Variants in CKMT2 observed in about 807,000 individuals in gnomAD.
The protein encoded by CKMT2 is creatine kinase, mitochondrial 2.
Under a neutral mutation model 48.9 loss-of-function variants are expected in CKMT2, and 43 were observed. That is an observed-to-expected ratio of 0.88 (90% CI 0.69 to 1.13). The LOEUF (loss-of-function observed/expected upper bound fraction) is 1.13. Ranked by LOEUF, CKMT2 falls within the 50% of genes most tolerant of loss-of-function variation. CKMT2 has a pLI of 0.00. For missense variants in CKMT2, 472 were observed against 555.4 expected (o/e 0.85, Z 1.51); for synonymous variants, 206 against 213.0 (o/e 0.97, Z 0.29).
intron 1 of CKMT2, among the ~76,000 whole-genome samples, chr5:81,248,467 C>T (rs780004061): frequency 7.9e-5 from 12 of 152,132 alleles, no homozygotes; most frequent in Non-Finnish European, 1.0e-4. Flanking sequence ...TGTATGCTAG[C>T]GTTGCCTGCT....
intron 1 of CKMT2, among the ~76,000 whole-genome samples, chr5:81,243,704 T>TG (rs1163756743): frequency 6.6e-6 from 1 of 152,088 alleles, no homozygotes; most frequent in Non-Finnish European, 1.5e-5. Context: ...GGATTTTTTT[T>TG]TTTTTGAGTC....
At chr5:81,242,588 G>T in intron 1 of CKMT2, 1 of 357,974 alleles carries the variant, frequency 2.8e-6, no homozygotes, top group South Asian at 2.8e-5. Context: ...CACAAAGATG[G>T]GGTTGGTTCT....
At chr5:81,257,114 A>C in intron 6 of CKMT2, 114 bp downstream of exon 6, 1 of 728,318 alleles carries the variant, frequency 1.4e-6, no homozygotes, top group South Asian at 1.8e-5. Context: ...GCCCAGACTG[A>C]GCTAAATGGA....
chr5:81,248,718 GGAA>G (rs1326593423), intron 1 of CKMT2, among the ~76,000 whole-genome samples: 1 of 152,174 alleles, frequency 6.6e-6, no homozygotes, highest in Non-Finnish European at 1.5e-5. Context: ...ATATTAGCAC[GGAA>G]GAAGAACTAA....
intron 1 of CKMT2, among the ~76,000 whole-genome samples, chr5:81,235,161 TAGGA>T (rs1208241514): frequency 6.6e-6 from 1 of 152,226 alleles, no homozygotes; most frequent in African/African-American, 2.4e-5. Context: ...ACAGGAGGCC[TAGGA>T]AAGGCCTCTG....
chr5:81,239,540 C>T (rs571249559), intron 1 of CKMT2, among the ~76,000 whole-genome samples: 1 of 152,286 alleles, frequency 6.6e-6, no homozygotes, highest in Non-Finnish European at 1.5e-5. Context: ...CACTGATGCA[C>T]ATGGGTGTGC....
At chr5:81,245,798 G>A (rs577484727) in intron 1 of CKMT2, among the ~76,000 whole-genome samples, 8 of 152,214 alleles carry the variant, frequency 5.3e-5, no homozygotes, top group Middle Eastern at 3.4e-3. Flanking sequence ...GCTGTGGTGC[G>A]AGGGGCCCGG....
intron 5 of CKMT2, 138 bp from the exon 6 acceptor site, chr5:81,256,777 G>T: frequency 1.7e-6 from 1 of 573,848 alleles, no homozygotes; most frequent in Non-Finnish European, 3.1e-6. Context: ...GGTTATTCTA[G>T]TGGGCAGCCA....
At chr5:81,265,519 GA>G (rs892662630) in intron 9 of CKMT2, among the ~76,000 whole-genome samples, 1 of 151,002 alleles carries the variant, frequency 6.6e-6, no homozygotes, top group Non-Finnish European at 1.5e-5. Flanking sequence ...GATCCCAGGG[GA>G]AAAAAAAATT....
At chr5:81,265,338 G>GAGAT (rs1298915337) in intron 9 of CKMT2, among the ~76,000 whole-genome samples, 6 of 152,154 alleles carry the variant, frequency 3.9e-5, no homozygotes, top group East Asian at 3.8e-4. Context: ...TGCATATAAA[G>GAGAT]AGATAGATAG....
chr5:81,244,579 G>T (rs2112790750), intron 1 of CKMT2, among the ~76,000 whole-genome samples: 1 of 152,276 alleles, frequency 6.6e-6, no homozygotes, highest in Admixed American at 6.5e-5. Context: ...CAATTTTGAA[G>T]ACAAAACTGT....
chr5:81,255,152 C>T lies in CKMT2; in HGVS notation c.607C>T (p.Leu203=). The part of the protein sequence containing the change: ...ITALEGLKGD[L]AGRYYKLSEM... ...TGCCCTGGAGGGCCTCAAGGGGGAC[C>T]TGGCTGGCCGCTACTACAAGCTGTC... The change falls in exon 5 of 10, where the codon CTG becomes TTG. Residue 203 remains leucine (L), a synonymous_variant. Coordinates refer to ENST00000254035, the MANE Select transcript of CKMT2 (RefSeq NM_001099735.2). 1.2e-6 allele frequency: 2 copies of T among 1,614,130 alleles called. No homozygotes were observed. Among genetic ancestry groups the T allele is most frequent in the East Asian group, 2.2e-5 (1 of 44,868 alleles).
chr5:81,243,692 T>C (rs1580436132), intron 1 of CKMT2, among the ~76,000 whole-genome samples: 1 of 151,710 alleles, frequency 6.6e-6, no homozygotes, highest in African/African-American at 2.4e-5. Context: ...AAATTCCTAA[T>C]AGGATTTTTT....
At chr5:81,254,591 C>T (rs1009786036) in intron 4 of CKMT2, 100 bp downstream of exon 4, 10 of 998,126 alleles carry the variant, frequency 1.0e-5, no homozygotes, top group African/African-American at 3.2e-5. Flanking sequence ...AGTCAGATAC[C>T]CCTGGAAAGC....
intron 1 of CKMT2, chr5:81,238,261 G>A (rs1264957588): frequency 6.6e-6 from 1 of 152,194 alleles, no homozygotes; most frequent in Non-Finnish European, 1.5e-5. Context: ...GTGAACCCGG[G>A]AGGCGGAGCT....
chr5:81,250,299 A>G (rs1010957641), intron 1 of CKMT2, among the ~76,000 whole-genome samples: 3 of 152,202 alleles, frequency 2.0e-5, no homozygotes, highest in African/African-American at 7.2e-5. Flanking sequence ...TTGCTTGCTC[A>G]TAACTATGAT....
At chr5:81,253,787 A>T (rs1015598041) in intron 3 of CKMT2, among the ~76,000 whole-genome samples, 1 of 151,678 alleles carries the variant, frequency 6.6e-6, no homozygotes, top group Non-Finnish European at 1.5e-5. Context: ...TCTTTTAACA[A>T]TTTTTTTTTA....
Position 81,266,148 on chromosome 5 carries a change from G to C in CKMT2, c.1150G>C (p.Val384Leu), listed in dbSNP as rs1234362879. ...DRIGRSEVEL[V>L]QIVIDGVNYL... ...TTCTTCACTGTCAAAGGTTGAGCTT[G>C]TTCAGATAGTCATCGATGGAGTCAA... The change falls in exon 10 of 10, where the codon GTT becomes CTT. Residue 384 changes from valine (V) to leucine (L), a missense_variant. Transcript: ENST00000254035. The C allele has an allele frequency of 6.2e-7, 1 of 1,612,638 alleles. No homozygotes were observed. Among genetic ancestry groups the C allele is most frequent in the Admixed American group, 1.7e-5 (1 of 60,008 alleles).
chr5:81,256,816 C>G, intron 5 of CKMT2, 99 bp from the exon 6 acceptor site: 1 of 779,816 alleles, frequency 1.3e-6, no homozygotes, highest in Non-Finnish European at 2.2e-6. Flanking sequence ...TAAGAGACAG[C>G]AGCCATGATA....
Sources: gnomAD v4.1 joint callset for allele counts (sites outside exome capture counted in the v4.1 genomes callset) on GRCh38, gnomAD v4.1.1 for gene constraint, MANE v1.5 for transcripts, NCBI Gene and HGNC (gene_info 2026-07-23, HGNC 2026-07-21) for gene names.